The following USP10 variants were observed in gnomAD, a reference collection of about 807,000 sequenced individuals.
USP10 encodes the protein ubiquitin carboxyl-terminal hydrolase 10.
USP10 carries 22 observed loss-of-function variants against 84.5 expected under a neutral mutation model. The ratio of observed to expected loss-of-function variants is 0.26; its 90% confidence interval spans 0.19 to 0.37. The LOEUF is 0.37. Ranked by LOEUF, USP10 falls within the 10% of genes least tolerant of loss-of-function variation. The pLI is 1.00. For synonymous variants in USP10, 454 were observed against 387.6 expected (o/e 1.17, Z -2.01); for missense variants, 1,019 against 998.9 (o/e 1.02, Z -0.27).
chr16:84,719,679 G>T (rs1420659114), intron 1 of USP10, among the ~76,000 whole-genome samples: 1 of 152,230 alleles, frequency 6.6e-6, no homozygotes, highest in Non-Finnish European at 1.5e-5. Context: ...TCTAGTGTAT[G>T]TAGGTCCCAT....
intron 1 of USP10, among the ~76,000 whole-genome samples, chr16:84,701,812 T>C (rs1323876832): frequency 6.6e-6 from 1 of 152,198 alleles, no homozygotes; most frequent in Non-Finnish European, 1.5e-5. Flanking sequence ...TAGCAAAAGT[T>C]GGCGGAACGT....
chr16:84,714,381 C>T (rs140392167), intron 1 of USP10, among the ~76,000 whole-genome samples: 63 of 152,306 alleles, frequency 4.1e-4, no homozygotes, highest in African/African-American at 1.4e-3. Flanking sequence ...GTGGCACAAT[C>T]GTAGCTCACT....
intron 1 of USP10, among the ~76,000 whole-genome samples, chr16:84,727,484 A>C (rs1908651944): frequency 6.6e-6 from 1 of 152,174 alleles, no homozygotes; most frequent in South Asian, 2.1e-4. Context: ...ACAAACAAAC[A>C]AACAAAAACT....
intron 4 of USP10, among the ~76,000 whole-genome samples, chr16:84,751,584 CAT>C (rs764602530): frequency 1.4e-4 from 21 of 152,310 alleles, no homozygotes; most frequent in Non-Finnish European, 4.4e-5. Context: ...ACTTCAGAAA[CAT>C]AAGTTGATCT....
At chr16:84,749,168 G>A (rs898012670) in intron 4 of USP10, among the ~76,000 whole-genome samples, 9 of 152,040 alleles carry the variant, frequency 5.9e-5, no homozygotes, top group Non-Finnish European at 1.3e-4. Flanking sequence ...AATTTTTTTT[G>A]TTGTTTTATT....
At chr16:84,766,798 G>A (rs1039655617) in intron 10 of USP10, among the ~76,000 whole-genome samples, 8 of 152,136 alleles carry the variant, frequency 5.3e-5, no homozygotes, top group African/African-American at 1.7e-4. Flanking sequence ...TTTGAAAAAC[G>A]GTAAAGCAAA....
intron 10 of USP10, among the ~76,000 whole-genome samples, chr16:84,766,649 A>G (rs969936674): frequency 6.6e-6 from 1 of 152,152 alleles, no homozygotes; most frequent in South Asian, 2.1e-4. Context: ...AAAGATCCCA[A>G]ATTTGTCTAA....
intron 2 of USP10, among the ~76,000 whole-genome samples, chr16:84,736,240 T>A (rs983569939): frequency 6.6e-6 from 1 of 152,258 alleles, no homozygotes; most frequent in Non-Finnish European, 1.5e-5. Context: ...ATGCTTTTTC[T>A]CCGTTGTTAG....
chr16:84,743,983 A>G (rs9929223), intron 3 of USP10, among the ~76,000 whole-genome samples: 46,281 of 152,126 alleles, frequency 0.3, 8,044 homozygotes, highest in Non-Finnish European at 0.41. Context: ...TTACCAGCGG[A>G]GGAGACCAAG....
chr16:84,738,562 A>G (rs933521686), intron 2 of USP10, among the ~76,000 whole-genome samples: 2 of 152,102 alleles, frequency 1.3e-5, no homozygotes, highest in African/African-American at 4.8e-5. Flanking sequence ...GGTGTGTGGA[A>G]TGGTCTTTGC....
intron 13 of USP10, among the ~76,000 whole-genome samples, chr16:84,776,463 C>G (rs1327882194): frequency 6.6e-6 from 1 of 152,232 alleles, no homozygotes; most frequent in African/African-American, 2.4e-5. Flanking sequence ...TGCTGGGCCT[C>G]AGATGGGACG....
rs369767779 is a variant in USP10, at chr16:84,759,917, A to C, written c.1421A>C (p.Asn474Thr). ...GTTCGGCTAATGAATGAGTTCACTA[A>C]TATGCCAGTACCTCCAAAACCCCGA... ...SFVRLMNEFTNMPVPPKPRQA... is the reference protein window; with the variant it reads ...SFVRLMNEFTTMPVPPKPRQA... Residue 474 changes from asparagine (N) to threonine (T), a missense_variant, in exon 7 of 14, where the codon AAT becomes ACT. Physicochemically the swap from Asn to Thr is moderately conservative, Grantham distance 65. Coordinates refer to ENST00000219473, the MANE Select transcript of USP10 (RefSeq NM_005153.3). The C allele has an allele frequency of 1.9e-6, 3 of 1,614,002 alleles. No homozygotes were observed. Among genetic ancestry groups the C allele is most frequent in the Non-Finnish European group, 2.5e-6 (3 of 1,179,878 alleles).
intron 12 of USP10, among the ~76,000 whole-genome samples, chr16:84,774,803 A>G (rs1385236129): frequency 6.6e-6 from 1 of 152,136 alleles, no homozygotes; most frequent in Non-Finnish European, 1.5e-5. Flanking sequence ...CGCATATGTA[A>G]AATTTTAATT....
At chr16:84,700,139 GA>G in intron 1 of USP10, 28 bp downstream of exon 1, 1 of 1,319,898 alleles carries the variant, frequency 7.6e-7, no homozygotes, top group South Asian at 1.6e-5. Flanking sequence ...CCTTCGGCCG[GA>G]AGGGGCCCGA....
At chr16:84,735,435 G>A (rs1030235706) in intron 2 of USP10, among the ~76,000 whole-genome samples, 1 of 152,160 alleles carries the variant, frequency 6.6e-6, no homozygotes, top group Non-Finnish European at 1.5e-5. Context: ...CAAGTCTGAA[G>A]GCCTGGGGTC....
chr16:84,764,030 T>TA, intron 9 of USP10, 56 bp from the exon 10 acceptor site: 1 of 1,525,798 alleles, frequency 6.6e-7, no homozygotes, highest in Non-Finnish European at 8.8e-7. Flanking sequence ...TGTGCCTTTT[T>TA]TTTTTTTGCT....
chr16:84,759,853 TA>T, intron 6 of USP10, 37 bp from the exon 7 acceptor site: 2 of 1,599,674 alleles, frequency 1.3e-6, no homozygotes, highest in Non-Finnish European at 1.7e-6. Flanking sequence ...ATATATTGTT[TA>T]AAACTGCACT....
intron 4 of USP10, among the ~76,000 whole-genome samples, chr16:84,757,400 G>GTGTGTGTGTGTGT (rs1555546460): frequency 1.6e-5 from 1 of 61,168 alleles, no homozygotes; most frequent in African/African-American, 5.9e-5. Flanking sequence ...GAGAGGGGTG[G>GTGTGTGTGTGTGT]GGGTGTGTGT....
chr16:84,719,085 C>A (rs1044422190), intron 1 of USP10, among the ~76,000 whole-genome samples: 3 of 152,058 alleles, frequency 2.0e-5, no homozygotes, highest in African/African-American at 7.2e-5. Context: ...AGCCACCGCG[C>A]CCGGCCAGTT....
Sources: allele counts gnomAD v4.1 joint callset (sites outside exome capture counted in the v4.1 genomes callset), GRCh38; gene constraint gnomAD v4.1.1; transcripts MANE v1.5; gene names NCBI Gene and HGNC (gene_info 2026-07-23, HGNC 2026-07-21).